The following SLMAP variants were observed in gnomAD, a reference collection of about 807,000 sequenced individuals.
SLMAP encodes the protein sarcolemmal membrane-associated protein.
SLMAP carries 44 observed loss-of-function variants against 128.8 expected under a neutral mutation model. The observed-to-expected ratio is 0.34, with a 90% CI of 0.27 to 0.44. The LOEUF is 0.44. Ranked by LOEUF, SLMAP falls within the 20% of genes least tolerant of loss-of-function variation. The pLI is 1.00. For missense variants in SLMAP, 787 were observed against 985.3 expected, an observed-to-expected ratio of 0.80 and a Z score of 2.69; for synonymous variants, 327 against 348.8, an observed-to-expected ratio of 0.94 and a Z score of 0.70.
chr3:57,916,734 G>A (rs532523371), intron 21 of SLMAP, among the ~76,000 whole-genome samples, 172 bp from the exon 22 acceptor site: 7 of 151,952 alleles, frequency 4.6e-5, no homozygotes, highest in Non-Finnish European at 1.0e-4. Context: ...CATTTTTTTA[G>A]TGTTTTGATG....
At chr3:57,896,411 T>G in intron 15 of SLMAP, 100 bp from the exon 16 acceptor site, 1 of 1,440,034 alleles carries the variant, frequency 6.9e-7, no homozygotes, top group Non-Finnish European at 9.1e-7. Context: ...AAAAGTACTT[T>G]GCGTACCTGT....
chr3:57,839,526 C>T (rs927001989), intron 3 of SLMAP, among the ~76,000 whole-genome samples: 10 of 136,706 alleles, frequency 7.3e-5, no homozygotes, highest in African/African-American at 1.4e-4. Flanking sequence ...CTGCAACTTT[C>T]GCCTCCCAGG....
chr3:57,791,977 A>G (rs1421228633), intron 2 of SLMAP, among the ~76,000 whole-genome samples: 1 of 152,146 alleles, frequency 6.6e-6, no homozygotes, highest in Non-Finnish European at 1.5e-5. Flanking sequence ...ATTGTGTTCA[A>G]AGGGAATTGT....
intron 2 of SLMAP, among the ~76,000 whole-genome samples, chr3:57,788,745 T>C (rs1421778250): frequency 6.6e-6 from 1 of 152,156 alleles, no homozygotes. Flanking sequence ...GAGTTGAAAG[T>C]AGTCCTTGGA....
intron 6 of SLMAP, among the ~76,000 whole-genome samples, chr3:57,850,572 C>A (rs996443907): frequency 3.3e-5 from 5 of 152,058 alleles, no homozygotes; most frequent in African/African-American, 1.2e-4. Flanking sequence ...GTGTGAGCCG[C>A]CATGCCGAGC....
chr3:57,780,104 A>G (rs1024017263), intron 2 of SLMAP, among the ~76,000 whole-genome samples: 6 of 151,940 alleles, frequency 3.9e-5, no homozygotes, highest in African/African-American at 9.7e-5. Flanking sequence ...TAGGACATCA[A>G]CACTATTAAT....
intron 19 of SLMAP, among the ~76,000 whole-genome samples, chr3:57,910,689 C>T (rs1287284779): frequency 2.0e-5 from 3 of 152,104 alleles, no homozygotes; most frequent in Non-Finnish European, 4.4e-5. Context: ...TTATATGATA[C>T]CCCAGGAGAG....
chr3:57,760,578 G>A (rs563347195), intron 2 of SLMAP, among the ~76,000 whole-genome samples: 1 of 152,232 alleles, frequency 6.6e-6, no homozygotes, highest in Non-Finnish European at 1.5e-5. Context: ...AATAGTTCTC[G>A]TATGAAATTT....
At chr3:57,818,173 G>C (rs2092107211) in intron 2 of SLMAP, among the ~76,000 whole-genome samples, 2 of 152,008 alleles carry the variant, frequency 1.3e-5, no homozygotes, top group South Asian at 4.1e-4. Flanking sequence ...TTTGTTTTTT[G>C]AGATGGAGTT....
At chr3:57,826,963 C>T (rs2092970492) in intron 2 of SLMAP, among the ~76,000 whole-genome samples, 1 of 152,128 alleles carries the variant, frequency 6.6e-6, no homozygotes, top group South Asian at 2.1e-4. Context: ...TACTGTGTCA[C>T]CTACTTTTGT....
At chr3:57,806,692 G>A (rs570939306) in intron 2 of SLMAP, among the ~76,000 whole-genome samples, 5 of 151,838 alleles carry the variant, frequency 3.3e-5, no homozygotes, top group Admixed American at 2.6e-4. Context: ...CACCTACCTC[G>A]GCCTCCCAAA....
intron 19 of SLMAP, 49 bp downstream of exon 19, chr3:57,909,199 T>C: frequency 7.2e-7 from 1 of 1,397,756 alleles, no homozygotes; most frequent in Non-Finnish European, 9.9e-7. Context: ...GTGTTTGTTT[T>C]TAGTGATTCA....
intron 2 of SLMAP, among the ~76,000 whole-genome samples, chr3:57,814,122 C>T (rs2091483654): frequency 6.7e-6 from 1 of 149,482 alleles, no homozygotes; most frequent in African/African-American, 2.5e-5. Context: ...TATTTTTTCT[C>T]CCCGCAATAC....
At chr3:57,919,168 G>A (rs2096868148) in intron 22 of SLMAP, among the ~76,000 whole-genome samples, 1 of 152,158 alleles carries the variant, frequency 6.6e-6, no homozygotes. Context: ...CTCACCTGAG[G>A]TCAGGAGTTC....
chr3:57,916,881 C>T, intron 21 of SLMAP, 25 bp from the exon 22 acceptor site: 2 of 1,595,008 alleles, frequency 1.3e-6, no homozygotes, highest in Non-Finnish European at 1.7e-6. Context: ...CTGTGAATAA[C>T]TATCTGTCAA....
chr3:57,893,234 G>C (rs2096140935), intron 15 of SLMAP, among the ~76,000 whole-genome samples: 1 of 152,050 alleles, frequency 6.6e-6, no homozygotes, highest in African/African-American at 2.4e-5. Context: ...AGACATTCCA[G>C]CCTGGGCAAC....
intron 13 of SLMAP, among the ~76,000 whole-genome samples, chr3:57,866,895 C>T (rs987738283): frequency 2.0e-5 from 3 of 151,724 alleles, no homozygotes; most frequent in Non-Finnish European, 2.9e-5. Context: ...AAATCATGTC[C>T]GGGGCAGTGG....
intron 13 of SLMAP, among the ~76,000 whole-genome samples, chr3:57,869,005 A>G (rs2095398531): frequency 7.2e-6 from 1 of 139,014 alleles, no homozygotes; most frequent in Admixed American, 8.0e-5. Flanking sequence ...TGTATTATAT[A>G]TAATATATAT....
At chr3:57,901,434 A>C (rs1575995287) in intron 17 of SLMAP, 1 of 152,266 alleles carries the variant, frequency 6.6e-6, no homozygotes, top group East Asian at 1.9e-4. Context: ...AGGCATTTTG[A>C]GTTTCATGGG....
Sources: gnomAD v4.1 joint callset for allele counts (sites outside exome capture counted in the v4.1 genomes callset) on GRCh38, gnomAD v4.1.1 for gene constraint, MANE v1.5 for transcripts, NCBI Gene and HGNC (gene_info 2026-07-23, HGNC 2026-07-21) for gene names.